Variants in GRAMD1B observed in about 807,000 individuals in gnomAD.
The protein encoded by GRAMD1B is GRAM domain containing 1B, also known as protein Aster-B.
GRAMD1B carries 37 observed loss-of-function variants against 99.7 expected under a neutral mutation model. The ratio of observed to expected loss-of-function variants is 0.37; its 90% CI spans 0.29 to 0.49. The LOEUF is 0.49. Among genes scored for constraint, GRAMD1B ranks in the 20% least tolerant of loss-of-function variants. The pLI, the probability that GRAMD1B is intolerant of heterozygous loss-of-function variation, is 0.98. For synonymous variants in GRAMD1B, 427 were observed against 387.6 expected, an observed-to-expected ratio of 1.10 and a Z score of -1.19; for missense variants, 888 against 1,009.2, an observed-to-expected ratio of 0.88 and a Z score of 1.63.
chr11:123,533,008 T>A (rs1943559266), intron 2 of GRAMD1B, among the ~76,000 whole-genome samples: 1 of 152,246 alleles, frequency 6.6e-6, no homozygotes, highest in Non-Finnish European at 1.5e-5. Context: ...TTGTTCTTGT[T>A]GCCCAGGCTG....
chr11:123,416,373 A>G (rs766461866), intron 1 of GRAMD1B, among the ~76,000 whole-genome samples: 25 of 152,208 alleles, frequency 1.6e-4, no homozygotes, highest in Non-Finnish European at 3.2e-4. Context: ...AGGCAAGTAC[A>G]GAAATCTGAG....
At chr11:123,542,040 C>G (rs543096830) in intron 2 of GRAMD1B, among the ~76,000 whole-genome samples, 1 of 152,184 alleles carries the variant, frequency 6.6e-6, no homozygotes, top group Non-Finnish European at 1.5e-5. Context: ...TCCCATCACT[C>G]CCCCATATTT....
At chr11:123,423,641 A>G (rs1948538836) in intron 1 of GRAMD1B, among the ~76,000 whole-genome samples, 1 of 152,172 alleles carries the variant, frequency 6.6e-6, no homozygotes, top group Non-Finnish European at 1.5e-5. Context: ...TAATTACAAA[A>G]TTTAATGGAA....
chr11:123,590,748 G>T (rs542990746), intron 4 of GRAMD1B, among the ~76,000 whole-genome samples: 38 of 152,334 alleles, frequency 2.5e-4, no homozygotes, highest in Non-Finnish European at 4.4e-4. Flanking sequence ...CTCTGCCTGG[G>T]TGAGGGCTGT....
intron 1 of GRAMD1B, among the ~76,000 whole-genome samples, chr11:123,415,884 T>C (rs1948218330): frequency 6.6e-6 from 1 of 152,204 alleles, no homozygotes; most frequent in African/African-American, 2.4e-5. Context: ...ATCATGCACA[T>C]ACACACAGCC....
intron 1 of GRAMD1B, among the ~76,000 whole-genome samples, chr11:123,476,682 C>G (rs1473897649): frequency 6.6e-6 from 1 of 152,220 alleles, no homozygotes; most frequent in Non-Finnish European, 1.5e-5. Flanking sequence ...ACTGGGAGCT[C>G]TTTGCTGGAG....
chr11:123,613,179 G>A, intron 15 of GRAMD1B: 1 of 558,844 alleles, frequency 1.8e-6, no homozygotes, highest in Non-Finnish European at 3.2e-6. Context: ...TAAAATGCCT[G>A]TGAATGCATC....
At chr11:123,432,323 G>A (rs949052526) in intron 1 of GRAMD1B, among the ~76,000 whole-genome samples, 3 of 152,088 alleles carry the variant, frequency 2.0e-5, no homozygotes, top group Non-Finnish European at 4.4e-5. Context: ...TTGGGAGGCC[G>A]AAGCGTGTGG....
intron 2 of GRAMD1B, among the ~76,000 whole-genome samples, chr11:123,545,504 C>T (rs1321620641): frequency 1.3e-5 from 2 of 152,150 alleles, no homozygotes; most frequent in African/African-American, 4.8e-5. Flanking sequence ...CGTTAGTGGT[C>T]AAGAGCAGGT....
At chr11:123,421,972 T>G (rs1040113694) in intron 1 of GRAMD1B, among the ~76,000 whole-genome samples, 1 of 152,348 alleles carries the variant, frequency 6.6e-6, no homozygotes, top group South Asian at 2.1e-4. Flanking sequence ...TTTTCATACA[T>G]CAGGATTGCT....
At chr11:123,543,084 C>T (rs1944707759) in intron 2 of GRAMD1B, among the ~76,000 whole-genome samples, 1 of 151,992 alleles carries the variant, frequency 6.6e-6, no homozygotes, top group Non-Finnish European at 1.5e-5. Context: ...TTATACCTCT[C>T]GATTTTACTG....
chr11:123,477,105 A>C (rs1250408650), intron 1 of GRAMD1B, among the ~76,000 whole-genome samples: 1 of 152,090 alleles, frequency 6.6e-6, no homozygotes, highest in East Asian at 1.9e-4. Context: ...ATAGCAGTTA[A>C]AATGTGGCAG....
intron 4 of GRAMD1B, among the ~76,000 whole-genome samples, chr11:123,590,130 G>A (rs912748603): frequency 6.6e-6 from 1 of 152,146 alleles, no homozygotes; most frequent in Non-Finnish European, 1.5e-5. Flanking sequence ...AAGATCTGAC[G>A]GTCTTTTTGG....
chr11:123,593,130 G>A (rs2136529531), intron 4 of GRAMD1B, among the ~76,000 whole-genome samples: 1 of 152,230 alleles, frequency 6.6e-6, no homozygotes. Flanking sequence ...TACTCGGGAG[G>A]CTGAGGCAGG....
intron 1 of GRAMD1B, among the ~76,000 whole-genome samples, chr11:123,437,307 T>G (rs952857801): frequency 6.6e-6 from 1 of 152,168 alleles, no homozygotes; most frequent in Non-Finnish European, 1.5e-5. Flanking sequence ...GAACCCAAAC[T>G]GAGGATTGGA....
At chr11:123,606,830 C>G (rs1952804305) in intron 11 of GRAMD1B, 32 bp downstream of exon 11, 1 of 1,575,198 alleles carries the variant, frequency 6.3e-7, no homozygotes, top group African/African-American at 1.3e-5. Context: ...TGGAGTGGCC[C>G]TTGCTCTGTT....
chr11:123,471,091 A>C (rs1950994800), intron 1 of GRAMD1B, among the ~76,000 whole-genome samples: 1 of 152,206 alleles, frequency 6.6e-6, no homozygotes, highest in African/African-American at 2.4e-5. Flanking sequence ...CATATTCATA[A>C]TAATTGAAGC....
At chr11:123,573,186 C>T (rs969091101) in intron 2 of GRAMD1B, among the ~76,000 whole-genome samples, 7 of 152,132 alleles carry the variant, frequency 4.6e-5, no homozygotes, top group East Asian at 3.9e-4. Context: ...AGTTAGACCC[C>T]GATGGCTGAG....
At chr11:123,453,486 T>C (rs537196113) in intron 1 of GRAMD1B, among the ~76,000 whole-genome samples, 142 of 152,116 alleles carry the variant, frequency 9.3e-4, no homozygotes, top group Non-Finnish European at 1.1e-3. Flanking sequence ...ACAGCTAATT[T>C]TTGTATTTTT....
Sources: allele counts gnomAD v4.1 joint callset (sites outside exome capture counted in the v4.1 genomes callset), GRCh38; gene constraint gnomAD v4.1.1; transcripts MANE v1.5; gene names NCBI Gene and HGNC (gene_info 2026-07-23, HGNC 2026-07-21).